FLRT1: variants seen among roughly 807,000 people sequenced by gnomAD.
FLRT1 encodes leucine-rich repeat transmembrane protein FLRT1.
FLRT1 carries 14 observed loss-of-function variants against 30.9 expected under a neutral mutation model. The observed-to-expected ratio is 0.45, with a 90% CI of 0.30 to 0.71. FLRT1 has a LOEUF of 0.71. Ranked by LOEUF, FLRT1 falls within the 30% of genes least tolerant of loss-of-function variation. FLRT1 has a pLI of 0.08. For synonymous variants in FLRT1, 368 were observed against 430.4 expected, an observed-to-expected ratio of 0.85 and a Z score of 1.80; for missense variants, 737 against 949.2, an observed-to-expected ratio of 0.78 and a Z score of 2.94.
rs888776917 is a variant in FLRT1 at position 64,103,344 on chromosome 11, C to A, written c.-887C>A. The A allele has an allele frequency of 6.6e-6, 1 of 152,220 alleles. No homozygotes were observed. The highest frequency in any genetic ancestry group is 2.1e-4 in the South Asian group (1 of 4,834). 9.4% of individuals were successfully genotyped at this position (152,220 alleles called of 1,614,324 possible). ...CAAGCAGGACTGAGGCCCTTGCCCC[C>A]CAAGCATCTTCTCAAAGAAGGGCAT... On this transcript the variant is annotated 5_prime_UTR_variant, in exon 2 of 3. Transcript: ENST00000682287.
intron 1 of FLRT1, among the ~76,000 whole-genome samples, chr11:64,073,431 C>G (rs1304539356): frequency 6.6e-6 from 1 of 152,258 alleles, no homozygotes; most frequent in Non-Finnish European, 1.5e-5. Context: ...GGCTTCTACT[C>G]TTAACTCCCT....
intron 1 of FLRT1, among the ~76,000 whole-genome samples, chr11:64,077,379 G>C (rs1482514515): frequency 6.6e-6 from 1 of 152,176 alleles, no homozygotes; most frequent in African/African-American, 2.4e-5. Context: ...CCCTGTCACG[G>C]GGCTGCCCTG....
intron 1 of FLRT1, among the ~76,000 whole-genome samples, chr11:64,075,915 C>A (rs2134474459): frequency 6.6e-6 from 1 of 152,338 alleles, no homozygotes; most frequent in Admixed American, 6.5e-5. Context: ...CTCAAGTGAT[C>A]CACCCGCCTC....
chr11:64,068,814 G>A lies in FLRT1; in HGVS notation c.-1038+32655G>A, dbSNP rs572718283. Among the ~76,000 whole-genome samples the A allele has an allele frequency of 1.5e-3, 235 of 152,322 alleles. 1 individual carries two copies. The highest frequency in any genetic ancestry group is 5.3e-3 in the African/African-American group (222 of 41,568). Reference sequence around the variant, plus strand: ...TGGGCATGCTCCCCCATCCTTTGTGGGCCTGTGTCACTGAGCAGCCCTCCC... The same window carrying A: ...TGGGCATGCTCCCCCATCCTTTGTGAGCCTGTGTCACTGAGCAGCCCTCCC... On this transcript the variant is annotated intron_variant, in intron 1 of 2. Transcript: ENST00000682287.
At chr11:64,061,843 C>T (rs1459826319) in intron 1 of FLRT1, among the ~76,000 whole-genome samples, 2 of 147,596 alleles carry the variant, frequency 1.4e-5, no homozygotes, top group African/African-American at 2.5e-5. Flanking sequence ...TCCCAAGTAG[C>T]GGGACCACAG....
At position 64,116,474 on chromosome 11, in the gene FLRT1, C is replaced by G. The variant is rs772438866; in HGVS notation, c.207C>G (p.Asp69Glu). Residue 69 changes from aspartate (D) to glutamate (E), a missense_variant, in exon 3 of 3, where the codon GAC becomes GAG. Asp to Glu is a conservative substitution (Grantham distance 45, BLOSUM62 2). Transcript: ENST00000682287. ...RCDNGFIYCN[D>E]RGLTSIPADI... ...ACAACGGCTTCATCTACTGCAACGA[C>G]CGGGGACTCACATCCATCCCCGCAG... 1 of 1,614,084 alleles carries G rather than the reference C, an allele frequency of 6.2e-7. No individual in the cohort carries two copies.
rs1943394164 is a variant in FLRT1, at chr11:64,036,974, G to A, written c.-1038+815G>A. 1.3e-5 allele frequency among the ~76,000 whole-genome samples: 2 copies of A among 152,216 alleles called. No homozygotes were observed. Among genetic ancestry groups the A allele is most frequent in the Non-Finnish European group, 2.9e-5 (2 of 68,032 alleles). ...AGCTCCCCGAGGAGGAGAAAGTTGT[G>A]GAACAGGGACACCAGGGAGCTGCCA... On this transcript the variant is annotated intron_variant, in intron 1 of 2. Coordinates refer to ENST00000682287, the MANE Select transcript of FLRT1 (RefSeq NM_013280.5). The surrounding 1 kb of genome is among the most constrained non-coding windows in gnomAD (Gnocchi z 5.6).
intron 1 of FLRT1, among the ~76,000 whole-genome samples, chr11:64,071,170 C>T (rs929566748): frequency 6.6e-6 from 1 of 152,074 alleles, no homozygotes; most frequent in Non-Finnish European, 1.5e-5. Flanking sequence ...ATAACCTCCT[C>T]TAAGGCCCCT....
chr11:64,086,215 C>T (rs1278115588), intron 1 of FLRT1, among the ~76,000 whole-genome samples: 1 of 152,166 alleles, frequency 6.6e-6, no homozygotes, highest in Non-Finnish European at 1.5e-5. Context: ...AGGGGCTTAG[C>T]TCAGAGCCCA....
At chr11:64,084,158 G>C (rs1444435638) in intron 1 of FLRT1, among the ~76,000 whole-genome samples, 1 of 152,146 alleles carries the variant, frequency 6.6e-6, no homozygotes, top group African/African-American at 2.4e-5. Context: ...CATGGCACGC[G>C]CGCCTTCTGC....
intron 1 of FLRT1, among the ~76,000 whole-genome samples, chr11:64,039,223 C>A (rs1441728580): frequency 6.6e-6 from 1 of 151,472 alleles, no homozygotes; most frequent in African/African-American, 2.4e-5. Flanking sequence ...GGTGAGCGAG[C>A]GTGGGTGGAC....
chr11:64,086,602 T>C (rs1036457630), intron 1 of FLRT1, among the ~76,000 whole-genome samples: 3 of 152,128 alleles, frequency 2.0e-5, no homozygotes. Context: ...GTTCTGCGAC[T>C]GGGGTGCTTT....
intron 1 of FLRT1, among the ~76,000 whole-genome samples, chr11:64,098,700 C>T (rs895397380): frequency 6.6e-6 from 1 of 152,192 alleles, no homozygotes; most frequent in Non-Finnish European, 1.5e-5. Flanking sequence ...GAAAGAAAAT[C>T]CTGGGTCTCC....
At position 64,118,050 on chromosome 11, in the gene FLRT1, A is replaced by G; in HGVS notation, c.1783A>G (p.Arg595Gly). The G allele has an allele frequency of 1.2e-6, 2 of 1,613,580 alleles. No individual in the cohort carries two copies. Among genetic ancestry groups the G allele is most frequent in the Non-Finnish European group, 1.7e-6 (2 of 1,179,902 alleles). The change falls in exon 3 of 3, where the codon AGG (arginine) becomes GGG (glycine). Residue 595 changes from arginine to glycine, a missense_variant. Coordinates refer to ENST00000682287, the MANE Select transcript of FLRT1 (RefSeq NM_013280.5). The stretch of plus-strand genomic sequence containing the variant: ...GGAGAGGGCCTACAACCGGGGCAGC[A>G]GGAAAAAGGATGACTATATGGAGTC... ...TRERAYNRGS[R>G]KKDDYMESGT... is the part of the protein sequence containing the mutation.
Position 64,041,454 on chromosome 11 carries a change from TGAG to T in FLRT1, c.-1038+5302_-1038+5304del, listed in dbSNP as rs201575750. ...TTCCTGGGGGAGGTCAGCCAGGGGC[TGAG>T]GAGGAGAGGAGAGCTCAGGGGAGTG... On this transcript the variant is annotated intron_variant, in intron 1 of 2. Coordinates refer to ENST00000682287, the MANE Select transcript of FLRT1 (RefSeq NM_013280.5). 7.5e-3 allele frequency among the ~76,000 whole-genome samples: 1,134 copies of T among 151,390 alleles called. 16 individuals carry two copies. Among genetic ancestry groups the T allele is most frequent in the African/African-American group, 0.026 (1,080 of 41,192 alleles).
chr11:64,042,153 G>A (rs960327301), intron 1 of FLRT1, among the ~76,000 whole-genome samples: 14 of 152,166 alleles, frequency 9.2e-5, no homozygotes, highest in African/African-American at 3.4e-4. Flanking sequence ...TCACACCTCT[G>A]GTGGGCACAC....
intron 1 of FLRT1, among the ~76,000 whole-genome samples, chr11:64,092,472 G>A (rs892265771): frequency 6.6e-6 from 1 of 152,238 alleles, no homozygotes; most frequent in African/African-American, 2.4e-5. Flanking sequence ...GAGAGGTTGA[G>A]GTTGGGTGTG....
In FLRT1 at chr11:64,082,623, C is replaced by T. The variant is rs750057167; in HGVS notation, c.-1037-20571C>T. ...GGGCTGAAGACGGAACCTCTGAGTG[C>T]AGGCACCAGGTGGGAGGGTGGGGAC... On this transcript the variant is annotated intron_variant, in intron 1 of 2. Transcript: ENST00000682287. The surrounding 1 kb of genome is among the most constrained non-coding windows in gnomAD (Gnocchi z 4.5). 6.6e-6 allele frequency among the ~76,000 whole-genome samples: 1 copy of T among 152,186 alleles called. No homozygotes were observed. Among genetic ancestry groups the T allele is most frequent in the Non-Finnish European group, 1.5e-5 (1 of 67,968 alleles).
In FLRT1 at chr11:64,036,057, C is replaced by G. The variant is rs563062749; in HGVS notation, c.-1140C>G. ...CTCCTCTCCCGGGCCCCCCTGGGCG[C>G]CCTCCGGCTCTGGTTCCCGCCCGCT... On this transcript the variant is annotated 5_prime_UTR_variant, in exon 1 of 3. Coordinates refer to ENST00000682287, the MANE Select transcript of FLRT1 (RefSeq NM_013280.5). The surrounding 1 kb of genome is among the most constrained non-coding windows in gnomAD (Gnocchi z 5.6). 0.014 allele frequency: 2,187 copies of G among 151,602 alleles called. 26 individuals are homozygous for G. Among genetic ancestry groups the G allele is most frequent in the Middle Eastern group, 0.045 (13 of 292 alleles). 9.4% of individuals were successfully genotyped at this position (151,602 alleles called of 1,614,324 possible).
Sources: gnomAD v4.1 joint callset for allele counts (sites outside exome capture counted in the v4.1 genomes callset) on GRCh38, gnomAD v4.1.1 for gene constraint, Gnocchi (gnomAD v3.1) non-coding constraint, MANE v1.5 for transcripts, NCBI Gene and HGNC (gene_info 2026-07-23, HGNC 2026-07-21) for gene names.